The following TENM2 variants were observed in gnomAD, a reference collection of about 807,000 sequenced individuals.
TENM2 encodes teneurin-2.
In TENM2, 52 loss-of-function variants were observed where a neutral mutation model predicts 245.2. The ratio of observed to expected loss-of-function variants is 0.21; its 90% CI spans 0.17 to 0.27. TENM2 has a LOEUF of 0.27. Ranked by LOEUF, TENM2 falls within the 10% of genes least tolerant of loss-of-function variation. The probability of loss-of-function intolerance (pLI) is 1.00; values close to 1 mark genes in which losing one functional copy is unlikely to be tolerated. For synonymous variants in TENM2, 1,363 were observed against 1,438.9 expected (o/e 0.95, Z 1.19); for missense variants, 3,046 against 3,666.8 (o/e 0.83, Z 4.37).
the TENM2 span, among the ~76,000 whole-genome samples, chr5:167,083,873 A>G: frequency 6.6e-6 from 1 of 152,144 alleles, no homozygotes. Flanking sequence ...AGGATGATTC[A>G]TGAGACAAAT....
chr5:167,198,073 A>G, the TENM2 span, among the ~76,000 whole-genome samples: 1 of 152,022 alleles, frequency 6.6e-6, no homozygotes, highest in South Asian at 2.1e-4. Flanking sequence ...AATCTTCACT[A>G]GAGACTACAA....
intron 5 of TENM2, 48 bp downstream of exon 7, chr5:167,993,230 G>A (rs753753304): frequency 6.7e-7 from 1 of 1,483,450 alleles, no homozygotes; most frequent in Non-Finnish European, 9.4e-7. Flanking sequence ...GACAACATGA[G>A]GGGAGAGGCC....
At chr5:167,089,322 A>G in the TENM2 span, among the ~76,000 whole-genome samples, 3 of 152,244 alleles carry the variant, frequency 2.0e-5, no homozygotes, top group African/African-American at 7.2e-5. Flanking sequence ...TTAAAAATAG[A>G]GAGACAAAAT....
chr5:167,145,101 C>T, the TENM2 span, among the ~76,000 whole-genome samples: 6 of 152,316 alleles, frequency 3.9e-5, no homozygotes, highest in South Asian at 1.0e-3. Context: ...CCTAAGTACC[C>T]TTGTGATACT....
intron 2 of TENM2, among the ~76,000 whole-genome samples, chr5:167,742,898 T>C (rs1442155845): frequency 6.6e-6 from 1 of 151,334 alleles, no homozygotes; most frequent in Non-Finnish European, 1.5e-5. Context: ...AGCCCAGGGG[T>C]TTGATGCTGC....
intron 2 of TENM2, among the ~76,000 whole-genome samples, chr5:167,531,539 C>G (rs1394816111): frequency 6.6e-6 from 1 of 151,704 alleles, no homozygotes; most frequent in Non-Finnish European, 1.5e-5. Flanking sequence ...ATATACTATG[C>G]TTTTTGTTAA....
intron 2 of TENM2, among the ~76,000 whole-genome samples, chr5:167,536,046 A>G (rs1045536940): frequency 2.0e-5 from 3 of 152,184 alleles, no homozygotes; most frequent in Admixed American, 6.5e-5. Flanking sequence ...AAGATACTCT[A>G]TAGGCTAGTG....
exon 5 of TENM2, chr5:167,993,043 C>A: frequency 6.2e-7 from 1 of 1,614,016 alleles, no homozygotes; most frequent in South Asian, 1.1e-5. Context: ...CGCCCCCGCC[C>A]CGCCTGCTGC....
At chr5:167,705,965 T>TTTTATA (rs1491164463) in intron 2 of TENM2, among the ~76,000 whole-genome samples, 1 of 119,946 alleles carries the variant, frequency 8.3e-6, no homozygotes, top group Non-Finnish European at 1.6e-5. Context: ...CAAGGCTGGG[T>TTTTATA]TATATATATA....
chr5:167,271,177 C>T, the TENM2 span, among the ~76,000 whole-genome samples: 1 of 152,120 alleles, frequency 6.6e-6, no homozygotes, highest in Non-Finnish European at 1.5e-5. Context: ...TTCTCTGCTG[C>T]CTCTCCGAAA....
intron 2 of TENM2, among the ~76,000 whole-genome samples, chr5:167,461,581 G>A (rs570474235): frequency 2.2e-4 from 34 of 152,248 alleles, no homozygotes; most frequent in African/African-American, 5.8e-4. Context: ...ATACTGTCCC[G>A]AACTTGGGTT....
chr5:167,877,009 G>A (rs750040852), intron 3 of TENM2, among the ~76,000 whole-genome samples: 2 of 152,168 alleles, frequency 1.3e-5, no homozygotes, highest in African/African-American at 2.4e-5. Flanking sequence ...TTATGTTCCT[G>A]TGAACATCTG....
At chr5:167,731,095 T>C (rs1457052671) in intron 2 of TENM2, among the ~76,000 whole-genome samples, 1 of 152,024 alleles carries the variant, frequency 6.6e-6, no homozygotes, top group East Asian at 1.9e-4. Flanking sequence ...ATACACCTGA[T>C]CATTCCACCC....
intron 2 of TENM2, among the ~76,000 whole-genome samples, chr5:167,552,604 T>C (rs1178042455): frequency 6.6e-6 from 1 of 152,172 alleles, no homozygotes; most frequent in African/African-American, 2.4e-5. Context: ...GTAATGCTAA[T>C]TACCACTGGA....
chr5:168,176,732 T>C (rs969075943), intron 13 of TENM2, among the ~76,000 whole-genome samples: 2 of 152,240 alleles, frequency 1.3e-5, no homozygotes, highest in Non-Finnish European at 2.9e-5. Flanking sequence ...GTTACACGAA[T>C]TGAATGAGTA....
chr5:167,176,817 A>G, the TENM2 span, among the ~76,000 whole-genome samples: 19 of 152,360 alleles, frequency 1.2e-4, no homozygotes, highest in African/African-American at 4.3e-4. Context: ...GGGGAAAATA[A>G]TCTATTAGGA....
intron 2 of TENM2, among the ~76,000 whole-genome samples, chr5:167,875,307 G>A (rs980516017): frequency 6.6e-6 from 1 of 151,660 alleles, no homozygotes; most frequent in Non-Finnish European, 1.5e-5. Context: ...GACAGGAAGT[G>A]TGAAGACTCT....
intron 6 of TENM2, among the ~76,000 whole-genome samples, chr5:168,053,152 A>G (rs1275943199): frequency 6.6e-6 from 1 of 152,196 alleles, no homozygotes. Flanking sequence ...CTGCACGTCT[A>G]CTGGCAAATA....
At chr5:167,258,205 A>G in the TENM2 span, among the ~76,000 whole-genome samples, 1 of 141,276 alleles carries the variant, frequency 7.1e-6, no homozygotes, top group Admixed American at 7.1e-5. Flanking sequence ...TGCCATATAT[A>G]TATATATATG....
Sources: allele counts gnomAD v4.1 joint callset (sites outside exome capture counted in the v4.1 genomes callset), GRCh38; gene constraint gnomAD v4.1.1; transcripts MANE v1.5; gene names NCBI Gene and HGNC (gene_info 2026-07-23, HGNC 2026-07-21).